Variants in HSD17B12 observed in about 807,000 individuals in gnomAD.
HSD17B12 encodes the protein hydroxysteroid 17-beta dehydrogenase 12, also known as very-long-chain 3-oxoacyl-CoA reductase.
Under a neutral mutation model 39.3 loss-of-function variants are expected in HSD17B12, and 32 were observed. The observed-to-expected ratio is 0.81, with a 90% CI of 0.61 to 1.09. The LOEUF is 1.09. HSD17B12 is among the 50% of genes least tolerant of loss of function. The pLI, the probability that HSD17B12 is intolerant of heterozygous loss-of-function variation, is 0.00. For missense variants in HSD17B12, 342 were observed against 382.9 expected, an observed-to-expected ratio of 0.89 and a Z score of 0.89; for synonymous variants, 150 against 146.7, an observed-to-expected ratio of 1.02 and a Z score of -0.16.
chr11:43,565,735 G>A, the HSD17B12 span, among the ~76,000 whole-genome samples: 1 of 152,296 alleles, frequency 6.6e-6, no homozygotes, highest in Middle Eastern at 3.4e-3. Context: ...ACTCCCTTTT[G>A]TTCTGCGTGG....
the HSD17B12 span, among the ~76,000 whole-genome samples, chr11:43,627,655 G>T: frequency 6.6e-6 from 1 of 151,856 alleles, no homozygotes; most frequent in Admixed American, 6.6e-5. Context: ...CTGAAATAAT[G>T]CCAATGCTTA....
the HSD17B12 span, among the ~76,000 whole-genome samples, chr11:43,640,083 C>T: frequency 1.3e-5 from 2 of 151,818 alleles, no homozygotes; most frequent in East Asian, 1.9e-4. Context: ...AGAATATGCC[C>T]GCAAATGCTG....
chr11:43,823,059 T>TG (rs1036856775), intron 6 of HSD17B12, among the ~76,000 whole-genome samples: 81 of 152,104 alleles, frequency 5.3e-4, no homozygotes, highest in East Asian at 1.2e-3. Context: ...TTACTTTTTT[T>TG]GGGGGGGTCA....
At chr11:43,767,858 G>A (rs541712580) in intron 3 of HSD17B12, among the ~76,000 whole-genome samples, 31 of 152,246 alleles carry the variant, frequency 2.0e-4, no homozygotes, top group African/African-American at 6.7e-4. Flanking sequence ...AATCTAAGAC[G>A]CAATCATTCT....
At chr11:43,657,812 T>A in the HSD17B12 span, among the ~76,000 whole-genome samples, 3 of 152,214 alleles carry the variant, frequency 2.0e-5, no homozygotes, top group Non-Finnish European at 2.9e-5. Context: ...TAACCCGACC[T>A]TTCTCTCTGG....
At chr11:43,655,911 T>C in the HSD17B12 span, among the ~76,000 whole-genome samples, 2 of 152,234 alleles carry the variant, frequency 1.3e-5, no homozygotes, top group African/African-American at 4.8e-5. Context: ...AGGATGATGC[T>C]GGCCTCATAA....
At chr11:43,686,616 G>A (rs556363077) in intron 1 of HSD17B12, among the ~76,000 whole-genome samples, 69 of 96,858 alleles carry the variant, frequency 7.1e-4, no homozygotes, top group African/African-American at 1.9e-3. Flanking sequence ...TTTTTTTCCT[G>A]TTCTTTCTTT....
chr11:43,686,232 T>C (rs1048278762), intron 1 of HSD17B12, among the ~76,000 whole-genome samples: 1 of 152,212 alleles, frequency 6.6e-6, no homozygotes, highest in Admixed American at 6.5e-5. Context: ...CAGTAGTCAT[T>C]ACATGGGTTA....
the HSD17B12 span, among the ~76,000 whole-genome samples, chr11:43,615,259 GTTCAGTGAGCTCTCTCT>G: frequency 6.6e-6 from 1 of 152,152 alleles, no homozygotes; most frequent in Non-Finnish European, 1.5e-5. Context: ...TGCCCAGTAT[GTTCAGTGAGCTCTCTCT>G]TTTCTGGCTG....
At chr11:43,634,107 A>AAAAAAAAAAAAAAAAAAC in the HSD17B12 span, among the ~76,000 whole-genome samples, 1 of 138,392 alleles carries the variant, frequency 7.2e-6, no homozygotes, top group Non-Finnish European at 1.6e-5. Flanking sequence ...AAAAAAAAAA[A>AAAAAAAAAAAAAAAAAAC]AAGAAAGACA....
At chr11:43,638,135 G>A in the HSD17B12 span, among the ~76,000 whole-genome samples, 10 of 152,272 alleles carry the variant, frequency 6.6e-5, no homozygotes, top group Admixed American at 2.6e-4. Context: ...CTTATATGGC[G>A]ATATTCCAGT....
At chr11:43,674,984 ATGTC>A in the HSD17B12 span, among the ~76,000 whole-genome samples, 4 of 152,160 alleles carry the variant, frequency 2.6e-5, no homozygotes, top group African/African-American at 9.7e-5. Flanking sequence ...AGTTTGCTGA[ATGTC>A]TGTCTCTCCC....
chr11:43,602,534 TA>T, the HSD17B12 span, among the ~76,000 whole-genome samples: 2 of 152,144 alleles, frequency 1.3e-5, no homozygotes, highest in Non-Finnish European at 2.9e-5. Flanking sequence ...GGGTCCTTTT[TA>T]CCCCCCACTG....
intron 1 of HSD17B12, 194 bp downstream of exon 1, chr11:43,681,181 AAGG>A: frequency 7.2e-7 from 1 of 1,386,452 alleles, no homozygotes; most frequent in Non-Finnish European, 9.3e-7. Flanking sequence ...GCAGAGTTTT[AAGG>A]TACGAAATAC....
chr11:43,788,837 C>T (rs1950841185), intron 3 of HSD17B12, among the ~76,000 whole-genome samples: 1 of 152,146 alleles, frequency 6.6e-6, no homozygotes, highest in Non-Finnish European at 1.5e-5. Flanking sequence ...CATGGAGCCC[C>T]ACACTTAGAA....
At chr11:43,801,795 G>C (rs141792633) in intron 4 of HSD17B12, among the ~76,000 whole-genome samples, 2 of 152,016 alleles carry the variant, frequency 1.3e-5, no homozygotes, top group African/African-American at 4.8e-5. Flanking sequence ...GAAAACTGAA[G>C]AAAGAGCTCT....
chr11:43,715,860 G>A (rs1341298645), intron 1 of HSD17B12, among the ~76,000 whole-genome samples: 1 of 152,058 alleles, frequency 6.6e-6, no homozygotes. Context: ...TGTATCTAGT[G>A]GCTACCCTGT....
At chr11:43,564,071 T>C in the HSD17B12 span, among the ~76,000 whole-genome samples, 69 of 152,230 alleles carry the variant, frequency 4.5e-4, no homozygotes, top group Non-Finnish European at 8.7e-4. Flanking sequence ...ATTCTCAAGC[T>C]CCTAGACTGA....
At chr11:43,603,998 T>C in the HSD17B12 span, among the ~76,000 whole-genome samples, 1 of 152,196 alleles carries the variant, frequency 6.6e-6, no homozygotes, top group African/African-American at 2.4e-5. Flanking sequence ...ATTGTGATGC[T>C]GTTTGAGAAA....
Sources: allele counts gnomAD v4.1 joint callset (sites outside exome capture counted in the v4.1 genomes callset), GRCh38; gene constraint gnomAD v4.1.1; transcripts MANE v1.5; gene names NCBI Gene and HGNC (gene_info 2026-07-23, HGNC 2026-07-21).